The following RBM18 variants were observed in gnomAD, a reference collection of about 807,000 sequenced individuals.
RBM18 encodes probable RNA-binding protein 18.
In RBM18, 18 loss-of-function variants were observed where a neutral mutation model predicts 26.4. That is an observed-to-expected ratio of 0.68 (90% confidence interval 0.47 to 1.01). The LOEUF is 1.01. Ranked by LOEUF, RBM18 falls within the 50% of genes least tolerant of loss-of-function variation. RBM18 has a pLI of 0.00. For missense variants in RBM18, 180 were observed against 219.2 expected (o/e 0.82, Z 1.13); for synonymous variants, 74 against 81.1 (o/e 0.91, Z 0.47).
rs1831397271 is a variant in RBM18, at chr9:122,240,387, G to C, written c.*1497C>G. The C allele has an allele frequency of 6.6e-6, 1 of 152,136 alleles. No individual in the cohort carries two copies. The highest frequency in any genetic ancestry group is 1.5e-5 in the Non-Finnish European group (1 of 68,028). 9.4% of individuals were successfully genotyped at this position (152,136 alleles called of 1,614,324 possible). ...AGATATTTAAAAAGATTAACCTTGG[G>C]AAAAGTAAAAAGAATTTCCTTAAAC... On this transcript the variant is annotated 3_prime_UTR_variant, in exon 6 of 6. Transcript: ENST00000417201.
rs1381625768 is a variant in RBM18 at position 122,240,521 on chromosome 9, T to C, written c.*1363A>G. On this transcript the variant is annotated 3_prime_UTR_variant, in exon 6 of 6. Transcript: ENST00000417201. ...AAGTTCCTATATTGAAAGCTTCCTC[T>C]TGCTAACAACGATAGTGATAAACAT... The C allele has an allele frequency of 6.6e-6, 1 of 152,220 alleles. No homozygotes were observed. Among genetic ancestry groups the C allele is most frequent in the Non-Finnish European group, 1.5e-5 (1 of 68,042 alleles). The allele number at this position is 152,220 out of a possible 1,614,324, so 9.4% of individuals were successfully genotyped here. A position where few individuals can be genotyped will look rare whatever the true frequency, so the allele number is the denominator to read the frequency against.
At chr9:122,245,186 C>A in intron 5 of RBM18, 70 bp downstream of exon 5, 1 of 888,896 alleles carries the variant, frequency 1.1e-6, no homozygotes, top group Admixed American at 2.0e-5. Context: ...ATTTTATGAA[C>A]GAAGACATGG....
rs1831428449 is a variant in RBM18, at chr9:122,241,957, T to C, written c.500A>G (p.Tyr167Cys). 6.2e-7 allele frequency: 1 copy of C among 1,614,134 alleles called. No homozygotes were observed. The highest frequency in any genetic ancestry group is 8.5e-7 in the Non-Finnish European group (1 of 1,179,992). The part of the protein sequence containing the change: ...PDAEYPAAPV[Y>C]SYFKPPDKKR... ...TTTATCTGGTGGCTTAAAGTAGGAA[T>C]AAACAGGCGCTGCTGGATACTCTGC... is the stretch of plus-strand genomic sequence containing the variant. Residue 167 changes from tyrosine (Y) to cysteine (C), a missense_variant, in exon 6 of 6, where the codon TAT (tyrosine) becomes TGT (cysteine). Tyr to Cys is a radical substitution (Grantham distance 194). Coordinates refer to ENST00000417201, the MANE Select transcript of RBM18 (RefSeq NM_033117.4).
rs560911169 is a variant in RBM18, at chr9:122,241,632, C to T, written c.*252G>A. 5 of 352,810 alleles carry T rather than the reference C, an allele frequency of 1.4e-5. No homozygotes were observed. Among genetic ancestry groups the T allele is most frequent in the African/African-American group, 8.4e-5 (4 of 47,850 alleles). The allele number at this position is 352,810 out of a possible 1,614,324, so 21.9% of individuals were successfully genotyped here. A position where few individuals can be genotyped will look rare whatever the true frequency, so the allele number is the denominator to read the frequency against. On this transcript the variant is annotated 3_prime_UTR_variant, in exon 6 of 6. Transcript: ENST00000417201. ...TCTGGAGTTACAAATCCAAACCAAC[C>T]AGCCAATTAGAGCATCCCAGGGTTC...
Position 122,241,589 on chromosome 9 carries a change from G to C in RBM18, c.*295C>G. On this transcript the variant is annotated 3_prime_UTR_variant, in exon 6 of 6. Transcript: ENST00000417201. ...ATTTTGTGTATTTGCCTTTTGCTCT[G>C]GCACACTATAGAATGTTTCTGGAGT... The C allele has an allele frequency of 3.8e-6, 1 of 263,236 alleles. No homozygotes were observed. The highest frequency in any genetic ancestry group is 7.1e-6 in the Non-Finnish European group (1 of 140,782). The allele number at this position is 263,236 out of a possible 1,614,324, so 16.3% of individuals were successfully genotyped here.
chr9:122,243,897 A>C (rs1831463418), intron 5 of RBM18: 11 of 983,378 alleles, frequency 1.1e-5, no homozygotes, highest in African/African-American at 1.7e-5. Context: ...GGAAAACCCT[A>C]GGCTATCTTG....
chr9:122,256,456 G>A (rs55869908), intron 2 of RBM18, among the ~76,000 whole-genome samples: 14,451 of 152,184 alleles, frequency 0.095, 1,378 homozygotes, highest in African/African-American at 0.25. Context: ...GTAAAAGAAA[G>A]TCGGTATTAT....
At chr9:122,242,717 G>A (rs1253755289) in intron 5 of RBM18, among the ~76,000 whole-genome samples, 2 of 151,608 alleles carry the variant, frequency 1.3e-5, no homozygotes, top group African/African-American at 4.9e-5. Context: ...TAATACAGTG[G>A]TGCCATCATA....
At chr9:122,248,534 T>C (rs1831542814) in intron 3 of RBM18, among the ~76,000 whole-genome samples, 1 of 152,196 alleles carries the variant, frequency 6.6e-6, no homozygotes, top group East Asian at 1.9e-4. Flanking sequence ...AAGAGACCGT[T>C]AGCAAGGTAT....
intron 2 of RBM18, chr9:122,254,264 G>A (rs10818664): frequency 0.39 from 300,899 of 768,258 alleles, 62,719 homozygotes; most frequent in South Asian, 0.49. Context: ...TTCTGCCCAA[G>A]AAGTGTGACC....
chr9:122,260,398 C>A (rs1831770717), intron 2 of RBM18, among the ~76,000 whole-genome samples: 1 of 152,114 alleles, frequency 6.6e-6, no homozygotes, highest in African/African-American at 2.4e-5. Flanking sequence ...TCAGCATTGA[C>A]CTCATACAGG....
chr9:122,245,306 T>A lies in RBM18; in HGVS notation c.363A>T (p.Pro121=). 1 of 1,610,808 alleles carries A rather than the reference T, an allele frequency of 6.2e-7. No homozygotes were observed. The highest frequency in any genetic ancestry group is 1.1e-5 in the South Asian group (1 of 91,016). The change falls in exon 5 of 6, where the codon CCA becomes CCT. Residue 121 remains proline, a synonymous_variant. Coordinates refer to ENST00000417201, the MANE Select transcript of RBM18 (RefSeq NM_033117.4). ...TGCTTGAGGATGGCTCGAGACTGAT[T>A]GGAAGAATCTTATCATTCTTGTTAT... ...YDHNKNDKIL[P]ISLEPSSSTE...
intron 1 of RBM18, 72 bp from the exon 2 acceptor site, chr9:122,261,580 A>C: frequency 9.9e-7 from 1 of 1,012,286 alleles, no homozygotes; most frequent in Non-Finnish European, 1.6e-6. Flanking sequence ...AATTCAACTC[A>C]ACAAACATTT....
Position 122,241,655 on chromosome 9 carries a change from T to C in RBM18, c.*229A>G. 2.5e-6 allele frequency: 1 copy of C among 404,290 alleles called. No homozygotes were observed. The highest frequency in any genetic ancestry group is 4.2e-5 in the Admixed American group (1 of 23,786). 25.0% of individuals were successfully genotyped at this position (404,290 alleles called of 1,614,324 possible). ...ACCAGCCAATTAGAGCATCCCAGGG[T>C]TCAAATCACAATTTGGGATACAACG... On this transcript the variant is annotated 3_prime_UTR_variant, in exon 6 of 6. Coordinates refer to ENST00000417201, the MANE Select transcript of RBM18 (RefSeq NM_033117.4).
rs2118941147 is a variant in RBM18 at position 122,237,790 on chromosome 9, A to C, written c.*4094T>G. 1 of 152,340 alleles carries C rather than the reference A, an allele frequency of 6.6e-6. No individual in the cohort carries two copies. The highest frequency in any genetic ancestry group is 1.9e-4 in the East Asian group (1 of 5,190). 9.4% of individuals were successfully genotyped at this position (152,340 alleles called of 1,614,324 possible). A position where few individuals can be genotyped will look rare whatever the true frequency, so the allele number is the denominator to read the frequency against. ...TCAGGTTTTGTAGGCCACAGTCTTC[A>C]TTGCCAACTATTCAACTCTTCTATT... On this transcript the variant is annotated 3_prime_UTR_variant, in exon 6 of 6. Coordinates refer to ENST00000417201, the MANE Select transcript of RBM18 (RefSeq NM_033117.4).
intron 1 of RBM18, 142 bp from the exon 2 acceptor site, chr9:122,261,650 G>T: frequency 1.6e-6 from 1 of 617,412 alleles, no homozygotes; most frequent in Non-Finnish European, 2.9e-6. Context: ...TCCACAACCA[G>T]GGCCCCAGAA....
At position 122,241,850 on chromosome 9, in the gene RBM18, A is replaced by G; in HGVS notation, c.*34T>C. 1.2e-6 allele frequency: 2 copies of G among 1,605,530 alleles called. No individual in the cohort carries two copies. Among genetic ancestry groups the G allele is most frequent in the Non-Finnish European group, 1.7e-6 (2 of 1,174,954 alleles). On this transcript the variant is annotated 3_prime_UTR_variant, in exon 6 of 6. Coordinates refer to ENST00000417201, the MANE Select transcript of RBM18 (RefSeq NM_033117.4). ...GCAGACGATTTTAGGTGTGGAGACC[A>G]ATTTGCTTTTGCTGCTACAGTAATT...
chr9:122,250,068 T>TAAAA (rs59558933), intron 3 of RBM18, among the ~76,000 whole-genome samples: 1 of 107,170 alleles, frequency 9.3e-6, no homozygotes, highest in Non-Finnish European at 1.8e-5. Context: ...AGACCTTATT[T>TAAAA]AAAAAAAAAA....
At chr9:122,264,675 C>G (rs1564462209) in intron 1 of RBM18, 40 bp downstream of exon 1, 1 of 152,204 alleles carries the variant, frequency 6.6e-6, no homozygotes, top group Non-Finnish European at 1.5e-5. Context: ...CTTAGCGGGC[C>G]CATCGCTGAG....
Sources: gnomAD v4.1 joint callset for allele counts (sites outside exome capture counted in the v4.1 genomes callset) on GRCh38, gnomAD v4.1.1 for gene constraint, MANE v1.5 for transcripts, NCBI Gene and HGNC (gene_info 2026-07-23, HGNC 2026-07-21) for gene names.